Variants in HUWE1 observed in about 807,000 individuals in gnomAD.
HUWE1 encodes E3 ubiquitin-protein ligase HUWE1.
A neutral mutation model predicts 299.4 loss-of-function variants in HUWE1; 18 were observed. The observed-to-expected ratio is 0.06, with a 90% CI of 0.04 to 0.09. HUWE1 has a LOEUF of 0.09. Ranked by LOEUF, HUWE1 falls within the 10% of genes least tolerant of loss-of-function variation. The pLI is 1.00. For synonymous variants in HUWE1, 1,317 were observed against 1,286.1 expected, an observed-to-expected ratio of 1.02 and a Z score of -0.51; for missense variants, 1,832 against 3,462.3, an observed-to-expected ratio of 0.53 and a Z score of 11.82.
chrX:53,588,639 C>G, intron 36 of HUWE1, 105 bp from the exon 37 acceptor site: 2 of 778,071 alleles, frequency 2.6e-6, no homozygotes, highest in Non-Finnish European at 3.8e-6. Context: ...CCAACACATT[C>G]ACTAAAGAAA....
intron 3 of HUWE1, among the ~76,000 whole-genome samples, chrX:53,671,822 G>T (rs1337811041): frequency 1.1e-5 from 1 of 92,798 alleles, no homozygotes; most frequent in Admixed American, 1.2e-4. Context: ...AAAAGCTACA[G>T]AAGTATACAT....
chrX:53,652,510 T>C (rs1484880016), intron 4 of HUWE1, among the ~76,000 whole-genome samples: 1 of 112,135 alleles, frequency 8.9e-6, no homozygotes, highest in Non-Finnish European at 1.9e-5. Flanking sequence ...TAGCAGTAGA[T>C]TCTTACATTG....
rs782157006 is a variant in HUWE1, at chrX:53,554,965, AATG to A, written c.8207-48_8207-46del. The A allele has an allele frequency of 1.2e-5, 12 of 1,025,931 alleles. No individual in the cohort carries two copies. The African/African-American group carries it at 2.3e-4, about 19-fold the overall frequency. 84.5% of individuals were successfully genotyped at this position (1,025,931 alleles called of 1,213,427 possible). A position where few individuals can be genotyped will look rare whatever the true frequency, so the allele number is the denominator to read the frequency against. On this transcript the variant is annotated intron_variant, in intron 60 of 83. Transcript: ENST00000262854. The stretch of plus-strand genomic sequence containing the variant: ...AATAGTGGTTAAGGGGCAACCAGCC[AATG>A]ATGAGGGGAGCCACCCCAATCAGCA...
At position 53,603,356 on chromosome X, in the gene HUWE1, C is replaced by A. The variant is rs1181939936; in HGVS notation, c.2876+12G>T. 2 of 1,203,431 alleles carry A rather than the reference C, an allele frequency of 1.7e-6. No homozygotes were observed. The highest frequency in any genetic ancestry group is 3.5e-5 in the African/African-American group (2 of 56,786). ...GATAACAAAGTAATAAGAGAGAGAGCCATTCTCTTACCTGTTTGGGGTACA... is the reference window on the plus strand; with the variant it reads ...GATAACAAAGTAATAAGAGAGAGAGACATTCTCTTACCTGTTTGGGGTACA... On this transcript the variant is annotated intron_variant, in intron 27 of 83. Transcript: ENST00000262854.
At chrX:53,568,013 G>A (rs1463486362) in intron 49 of HUWE1, among the ~76,000 whole-genome samples, 2 of 111,800 alleles carry the variant, frequency 1.8e-5, no homozygotes, top group Admixed American at 1.9e-4. Flanking sequence ...AGTTTAGAAG[G>A]CAAAAACACG....
chrX:53,618,218 G>A (rs1557009243), intron 19 of HUWE1, among the ~76,000 whole-genome samples: 1 of 111,491 alleles, frequency 9.0e-6, no homozygotes, highest in East Asian at 2.8e-4. Context: ...CCAATATCTA[G>A]CTTTGTGAAG....
At chrX:53,631,531 T>C in intron 10 of HUWE1, 36 bp downstream of exon 10, 1 of 1,184,216 alleles carries the variant, frequency 8.4e-7, no homozygotes, top group Non-Finnish European at 1.1e-6. Context: ...GAACCAAACA[T>C]TAAGAAACGA....
At chrX:53,615,633 C>T in intron 22 of HUWE1, 111 bp downstream of exon 22, 1 of 553,220 alleles carries the variant, frequency 1.8e-6, no homozygotes, top group Non-Finnish European at 3.2e-6. Flanking sequence ...AGACATAATG[C>T]TCTTACAGCT....
chrX:53,657,941 C>T (rs1419315619), intron 3 of HUWE1, among the ~76,000 whole-genome samples: 12 of 103,397 alleles, frequency 1.2e-4, no homozygotes, highest in Non-Finnish European at 2.4e-4. Context: ...CCCAACTACT[C>T]GGGAGGCTGA....
At chrX:53,636,867 C>T (rs782703059) in intron 7 of HUWE1, among the ~76,000 whole-genome samples, 8 of 112,142 alleles carry the variant, frequency 7.1e-5, no homozygotes, top group Non-Finnish European at 1.3e-4. Flanking sequence ...ATAGATGGCA[C>T]AATTGACAGT....
Position 53,568,829 on chromosome X carries a change from G to A in HUWE1, c.6570C>T (p.Cys2190=). The A allele has an allele frequency of 8.3e-7, 1 of 1,207,504 alleles. No homozygotes were observed. The highest frequency in any genetic ancestry group is 1.1e-6 in the Non-Finnish European group (1 of 892,942). Reference sequence around the variant, plus strand: ...TGCTGTAGAAGCTGGAGGTGGAGGGGCAGGACTCCATGATAGTACTGATGA... The same window carrying A: ...TGCTGTAGAAGCTGGAGGTGGAGGGACAGGACTCCATGATAGTACTGATGA... ...MCIISTIMES[C]PSTSSFYSSA... The change falls in exon 49 of 84, where the codon TGC becomes TGT. Residue 2190 remains cysteine (C), a synonymous_variant. Transcript: ENST00000262854.
intron 46 of HUWE1, 64 bp from the exon 47 acceptor site, chrX:53,574,028 G>T: frequency 1.0e-6 from 1 of 985,959 alleles, no homozygotes; most frequent in Non-Finnish European, 1.4e-6. Flanking sequence ...TCAAGTCTTA[G>T]GTGGAAAAGA....
In HUWE1 at chrX:53,536,112, C is replaced by T. The variant is rs781935670; in HGVS notation, c.12531+35G>A. On this transcript the variant is annotated intron_variant, in intron 80 of 83. Coordinates refer to ENST00000262854, the MANE Select transcript of HUWE1 (RefSeq NM_031407.7). ...ACCTGGAATGGATCTTCCAGATTGG[C>T]TGGGATGTGCTGTGATTAGGATTTC... The T allele has an allele frequency of 6.6e-6, 6 of 914,472 alleles. No homozygotes were observed. The African/African-American group carries it at 1.2e-4, about 18-fold the overall frequency. 75.4% of individuals were successfully genotyped at this position (914,472 alleles called of 1,213,427 possible).
chrX:53,603,354 A>G lies in HUWE1; in HGVS notation c.2876+14T>C, dbSNP rs1556993181. The G allele has an allele frequency of 8.3e-7, 1 of 1,205,271 alleles. No individual in the cohort carries two copies. The highest frequency in any genetic ancestry group is 2.2e-5 in the Admixed American group (1 of 45,858). On this transcript the variant is annotated intron_variant, in intron 27 of 83. Transcript: ENST00000262854. ...TAGATAACAAAGTAATAAGAGAGAGAGCCATTCTCTTACCTGTTTGGGGTA... is the reference window on the plus strand; with the variant it reads ...TAGATAACAAAGTAATAAGAGAGAGGGCCATTCTCTTACCTGTTTGGGGTA...
At chrX:53,589,918 C>CA (rs1266008051) in intron 35 of HUWE1, 102 bp from the exon 36 acceptor site, 1 of 866,145 alleles carries the variant, frequency 1.2e-6, no homozygotes, top group Non-Finnish European at 1.6e-6. Flanking sequence ...TGATTACCCT[C>CA]AACCTTCTCC....
chrX:53,642,704 G>A (rs1174868690), intron 7 of HUWE1, among the ~76,000 whole-genome samples: 1 of 112,279 alleles, frequency 8.9e-6, no homozygotes, highest in African/African-American at 3.2e-5. Context: ...TGCTTACAAA[G>A]CTGTACCTTG....
chrX:53,654,944 GAAGTAT>G (rs782818789), intron 3 of HUWE1, among the ~76,000 whole-genome samples: 2 of 111,540 alleles, frequency 1.8e-5, no homozygotes, highest in South Asian at 7.5e-4. Context: ...ACTAGAAAAT[GAAGTAT>G]AAGGATCACA....
At chrX:53,616,578 G>C (rs1236481499) in intron 21 of HUWE1, among the ~76,000 whole-genome samples, 1 of 111,063 alleles carries the variant, frequency 9.0e-6, no homozygotes, top group Admixed American at 9.6e-5. Context: ...TCAATTATCT[G>C]GTCTCAAGTA....
chrX:53,546,406 A>G, intron 70 of HUWE1, 30 bp downstream of exon 70: 1 of 1,192,398 alleles, frequency 8.4e-7, no homozygotes, highest in Non-Finnish European at 1.1e-6. Flanking sequence ...AAACCTTCAG[A>G]AAGAGAAAAT....
Sources: allele counts gnomAD v4.1 joint callset (sites outside exome capture counted in the v4.1 genomes callset), GRCh38; gene constraint gnomAD v4.1.1; transcripts MANE v1.5; gene names NCBI Gene and HGNC (gene_info 2026-07-23, HGNC 2026-07-21).